The following CTNND2 variants were observed in gnomAD, a reference collection of about 807,000 sequenced individuals.
The protein encoded by CTNND2 is catenin delta 2, also known as catenin delta-2.
A neutral mutation model predicts 144.4 loss-of-function variants in CTNND2; 22 were observed. The ratio of observed to expected loss-of-function variants is 0.15; its 90% confidence interval spans 0.11 to 0.22. The LOEUF (loss-of-function observed/expected upper bound fraction) is 0.22. Among genes scored for constraint, CTNND2 ranks in the 10% least tolerant of loss-of-function variants. CTNND2 has a pLI of 1.00. For synonymous variants in CTNND2, 751 were observed against 695.6 expected, an observed-to-expected ratio of 1.08 and a Z score of -1.25; for missense variants, 1,353 against 1,618.8, an observed-to-expected ratio of 0.84 and a Z score of 2.82.
chr5:11,495,891 C>T (rs1367780413), intron 3 of CTNND2, among the ~76,000 whole-genome samples: 3 of 152,172 alleles, frequency 2.0e-5, no homozygotes, highest in East Asian at 1.9e-4. Context: ...GTGACTTCTT[C>T]ACAACCCCTC....
chr5:11,813,524 T>G (rs1312397583), intron 1 of CTNND2, among the ~76,000 whole-genome samples: 1 of 152,192 alleles, frequency 6.6e-6, no homozygotes, highest in African/African-American at 2.4e-5. Context: ...CTGCTCCTAA[T>G]TTGGTCTTGT....
chr5:11,397,384 ATTTTT>A (rs1561333573), intron 5 of CTNND2, among the ~76,000 whole-genome samples, 181 bp from the exon 6 acceptor site: 2 of 128,482 alleles, frequency 1.6e-5, no homozygotes, highest in Admixed American at 1.4e-4. Context: ...GAGATTTTTT[ATTTTT>A]TATTTTTTTT....
intron 18 of CTNND2, among the ~76,000 whole-genome samples, chr5:10,997,111 G>C (rs1022027079): frequency 5.3e-5 from 8 of 152,114 alleles, no homozygotes; most frequent in African/African-American, 1.9e-4. Context: ...CCTTAGGGAA[G>C]GGTGGGGGTG....
intron 15 of CTNND2, among the ~76,000 whole-genome samples, chr5:11,092,959 A>C (rs1561291167): frequency 6.6e-6 from 1 of 152,292 alleles, no homozygotes; most frequent in East Asian, 1.9e-4. Flanking sequence ...CTCTCTAAGG[A>C]CAAGTCTCTA....
At chr5:11,569,551 AG>A (rs1777396406) in intron 2 of CTNND2, among the ~76,000 whole-genome samples, 1 of 152,168 alleles carries the variant, frequency 6.6e-6, no homozygotes, top group Non-Finnish European at 1.5e-5. Context: ...AAGCATGTAA[AG>A]TCTCTTGGGG....
At chr5:11,157,406 T>C (rs1758322068) in intron 12 of CTNND2, among the ~76,000 whole-genome samples, 2 of 152,114 alleles carry the variant, frequency 1.3e-5, no homozygotes. Flanking sequence ...TCTCACCAGT[T>C]TTTCCTCCTG....
At chr5:11,856,674 T>C (rs1026032803) in intron 1 of CTNND2, among the ~76,000 whole-genome samples, 1 of 152,146 alleles carries the variant, frequency 6.6e-6, no homozygotes, top group Non-Finnish European at 1.5e-5. Flanking sequence ...ACCCCAGGTT[T>C]AAAACTAAAA....
intron 2 of CTNND2, among the ~76,000 whole-genome samples, chr5:11,661,403 T>C (rs1427740126): frequency 6.6e-6 from 1 of 152,188 alleles, no homozygotes; most frequent in Admixed American, 6.6e-5. Context: ...TAAGAAAGTA[T>C]TACTATTTCA....
chr5:11,277,595 G>T (rs375071746), intron 9 of CTNND2, among the ~76,000 whole-genome samples: 2 of 151,154 alleles, frequency 1.3e-5, no homozygotes, highest in African/African-American at 4.9e-5. Flanking sequence ...GCAGTGGTAC[G>T]ATCTGAACTC....
intron 1 of CTNND2, among the ~76,000 whole-genome samples, chr5:11,861,208 C>T (rs1795489569): frequency 6.6e-6 from 1 of 152,186 alleles, no homozygotes; most frequent in Non-Finnish European, 1.5e-5. Context: ...CCCATTCAGC[C>T]TTCTCTGCTC....
intron 12 of CTNND2, among the ~76,000 whole-genome samples, chr5:11,147,164 A>G (rs1757321048): frequency 6.6e-6 from 1 of 152,232 alleles, no homozygotes; most frequent in Admixed American, 6.5e-5. Flanking sequence ...ATCGTCATGT[A>G]CGTGAGAATG....
At chr5:11,148,669 C>T (rs1440271362) in intron 12 of CTNND2, among the ~76,000 whole-genome samples, 3 of 152,320 alleles carry the variant, frequency 2.0e-5, no homozygotes, top group East Asian at 1.9e-4. Context: ...GGCTGCTGTC[C>T]CCTTCTGTCC....
At chr5:11,709,635 C>T (rs555581555) in intron 2 of CTNND2, among the ~76,000 whole-genome samples, 1 of 152,180 alleles carries the variant, frequency 6.6e-6, no homozygotes, top group South Asian at 2.1e-4. Flanking sequence ...AACAATTCTA[C>T]AGAAAGCAAT....
At chr5:10,997,606 A>T (rs1739493503) in intron 18 of CTNND2, among the ~76,000 whole-genome samples, 1 of 152,006 alleles carries the variant, frequency 6.6e-6, no homozygotes, top group African/African-American at 2.4e-5. Flanking sequence ...AAAAAAAAAA[A>T]AATTTAAATC....
intron 5 of CTNND2, among the ~76,000 whole-genome samples, chr5:11,405,262 T>G (rs1306496117): frequency 2.6e-5 from 4 of 152,186 alleles, no homozygotes; most frequent in Non-Finnish European, 5.9e-5. Context: ...TTTGCATTGT[T>G]TTCTCATATT....
intron 2 of CTNND2, among the ~76,000 whole-genome samples, chr5:11,613,085 T>C (rs1436852337): frequency 6.6e-6 from 1 of 152,204 alleles, no homozygotes; most frequent in Non-Finnish European, 1.5e-5. Context: ...GCCAATGAGA[T>C]ACATGGGCAA....
At chr5:11,647,740 C>T (rs1183363177) in intron 2 of CTNND2, among the ~76,000 whole-genome samples, 2 of 152,174 alleles carry the variant, frequency 1.3e-5, no homozygotes, top group Non-Finnish European at 2.9e-5. Flanking sequence ...TAACTCTACA[C>T]TCTGTCCCTT....
intron 9 of CTNND2, among the ~76,000 whole-genome samples, chr5:11,283,387 G>C (rs1440602403): frequency 6.6e-6 from 1 of 151,954 alleles, no homozygotes; most frequent in East Asian, 1.9e-4. Flanking sequence ...AAAAAGAGGA[G>C]GGAATCGGCT....
At chr5:11,736,609 T>TTA (rs1436428146) in intron 1 of CTNND2, among the ~76,000 whole-genome samples, 1 of 152,160 alleles carries the variant, frequency 6.6e-6, no homozygotes, top group Non-Finnish European at 1.5e-5. Flanking sequence ...CTGGATGGCC[T>TTA]TAGGGTAAGT....
Sources: allele counts gnomAD v4.1 joint callset (sites outside exome capture counted in the v4.1 genomes callset), GRCh38; gene constraint gnomAD v4.1.1; transcripts MANE v1.5; gene names NCBI Gene and HGNC (gene_info 2026-07-23, HGNC 2026-07-21).